Variants in UNC13C observed in about 807,000 individuals in gnomAD.
UNC13C encodes protein unc-13 homolog C.
UNC13C carries 174 observed loss-of-function variants against 245.4 expected under a neutral mutation model. The ratio of observed to expected loss-of-function variants is 0.71; its 90% CI spans 0.63 to 0.80. The LOEUF (loss-of-function observed/expected upper bound fraction) is 0.80. Among genes scored for constraint, UNC13C ranks in the 30% least tolerant of loss-of-function variants. The pLI, the probability that UNC13C is intolerant of heterozygous loss-of-function variation, is 0.00. For missense variants in UNC13C, 2,829 were observed against 2,602.9 expected, an observed-to-expected ratio of 1.09 and a Z score of -1.89; for synonymous variants, 992 against 895.1, an observed-to-expected ratio of 1.11 and a Z score of -1.93.
chr15:54,254,821 C>T (rs8039848), intron 8 of UNC13C, among the ~76,000 whole-genome samples: 40,150 of 152,020 alleles, frequency 0.26, 5,465 homozygotes, highest in African/African-American at 0.29. Context: ...TCAGTGCTGT[C>T]TCACTTTTTA....
chr15:54,005,621 C>T (rs971500053), intron 1 of UNC13C, among the ~76,000 whole-genome samples: 6 of 152,148 alleles, frequency 3.9e-5, no homozygotes, highest in Middle Eastern at 3.4e-3. Context: ...TAATTAAGGA[C>T]TAAATATCAT....
At chr15:54,356,526 T>A (rs1156613145) in intron 17 of UNC13C, among the ~76,000 whole-genome samples, 1 of 152,186 alleles carries the variant, frequency 6.6e-6, no homozygotes, top group African/African-American at 2.4e-5. Context: ...TGCCCATAGA[T>A]ATAGCGTCTG....
chr15:53,849,914 T>TA, the UNC13C span, among the ~76,000 whole-genome samples: 1 of 152,206 alleles, frequency 6.6e-6, no homozygotes, highest in African/African-American at 2.4e-5. Context: ...GCCATGTGTT[T>TA]AAAAAAATTA....
intron 4 of UNC13C, among the ~76,000 whole-genome samples, chr15:54,173,719 A>G (rs866602312): frequency 8.5e-5 from 13 of 152,210 alleles, no homozygotes; most frequent in Middle Eastern, 3.4e-3. Context: ...TCTTGCCTTA[A>G]TGAACTGACT....
the UNC13C span, among the ~76,000 whole-genome samples, chr15:53,890,186 G>C: frequency 1.3e-5 from 2 of 149,400 alleles, no homozygotes; most frequent in East Asian, 4.0e-4. Flanking sequence ...GCGTCACCCA[G>C]GCTTGAGTGC....
chr15:54,205,327 A>C (rs190407296), intron 4 of UNC13C, among the ~76,000 whole-genome samples: 1 of 151,966 alleles, frequency 6.6e-6, no homozygotes, highest in East Asian at 1.9e-4. Flanking sequence ...TTGTCCCCCA[A>C]TGTAAGATTT....
At chr15:53,950,157 C>G in the UNC13C span, among the ~76,000 whole-genome samples, 1 of 152,138 alleles carries the variant, frequency 6.6e-6, no homozygotes, top group Non-Finnish European at 1.5e-5. Flanking sequence ...ACTTCTAAAA[C>G]TTAAAATGCA....
chr15:53,945,106 GT>G, the UNC13C span, among the ~76,000 whole-genome samples: 1 of 151,530 alleles, frequency 6.6e-6, no homozygotes, highest in Non-Finnish European at 1.5e-5. Context: ...TGTTAATGGG[GT>G]TATTATTTTT....
chr15:54,045,117 GT>G, intron 2 of UNC13C, among the ~76,000 whole-genome samples: 1 of 151,900 alleles, frequency 6.6e-6, no homozygotes, highest in East Asian at 1.9e-4. Flanking sequence ...TTTTGCTTGT[GT>G]TTTTGGTATC....
the UNC13C span, among the ~76,000 whole-genome samples, chr15:53,890,798 C>A: frequency 6.6e-6 from 1 of 151,310 alleles, no homozygotes; most frequent in African/African-American, 2.4e-5. Context: ...TATTTTTTGA[C>A]CTTTTAAAAA....
chr15:54,421,366 C>T (rs1321860563), intron 19 of UNC13C, among the ~76,000 whole-genome samples: 1 of 152,002 alleles, frequency 6.6e-6, no homozygotes, highest in Non-Finnish European at 1.5e-5. Flanking sequence ...CATATATTCT[C>T]CCAAAGATAT....
At chr15:53,896,472 TTTC>T in the UNC13C span, among the ~76,000 whole-genome samples, 1 of 152,172 alleles carries the variant, frequency 6.6e-6, no homozygotes, top group Non-Finnish European at 1.5e-5. Flanking sequence ...GAATCAGTAT[TTTC>T]TTCTTAATGT....
Position 54,014,474 on chromosome 15 carries a change from C to G in UNC13C, c.1571C>G (p.Thr524Ser), listed in dbSNP as rs377725533. 60 of 1,613,744 alleles carry G rather than the reference C, an allele frequency of 3.7e-5. No homozygotes were observed. The African/African-American group carries it at 7.3e-4, about 20-fold the overall frequency. The change falls in exon 2 of 33, where the codon ACC becomes AGC. Residue 524 changes from threonine to serine, a missense_variant. Physicochemically the swap from Thr to Ser is moderately conservative, Grantham distance 58. Transcript: ENST00000260323. The part of the protein sequence containing the change: ...LPESDILEKQ[T>S]TTHYADATPL... The stretch of plus-strand genomic sequence containing the variant: ...GAATCAGATATCTTGGAAAAGCAAA[C>G]CACAACCCATTATGCAGATGCAACA...
At chr15:54,139,074 C>T (rs183499723) in intron 2 of UNC13C, among the ~76,000 whole-genome samples, 11 of 146,316 alleles carry the variant, frequency 7.5e-5, no homozygotes, top group East Asian at 2.1e-4. Flanking sequence ...ATTCTTGTGC[C>T]TCAGCCTCCC....
At chr15:54,470,062 A>G (rs2141041049) in intron 19 of UNC13C, among the ~76,000 whole-genome samples, 1 of 151,818 alleles carries the variant, frequency 6.6e-6, no homozygotes, top group Admixed American at 6.6e-5. Flanking sequence ...AATCACATGT[A>G]TTGATTTACA....
chr15:54,301,816 G>C (rs894913136), intron 13 of UNC13C, among the ~76,000 whole-genome samples: 3 of 152,062 alleles, frequency 2.0e-5, no homozygotes, highest in Admixed American at 6.6e-5. Context: ...TAATGGGCTT[G>C]CTGGGTCAAA....
At chr15:53,955,240 A>G in the UNC13C span, among the ~76,000 whole-genome samples, 1 of 150,188 alleles carries the variant, frequency 6.7e-6, no homozygotes, top group Non-Finnish European at 1.5e-5. Flanking sequence ...CTTTTGTACT[A>G]TGATATCAAA....
At chr15:53,854,355 G>A in the UNC13C span, among the ~76,000 whole-genome samples, 6 of 151,962 alleles carry the variant, frequency 3.9e-5, no homozygotes, top group Non-Finnish European at 8.8e-5. Context: ...TCTTAACCTC[G>A]TGATCCACCT....
At chr15:54,522,963 T>C (rs936723984) in intron 24 of UNC13C, among the ~76,000 whole-genome samples, 3 of 152,180 alleles carry the variant, frequency 2.0e-5, no homozygotes, top group Non-Finnish European at 4.4e-5. Context: ...TTCAAGATAA[T>C]TTTGATGTTA....
Sources: gnomAD v4.1 joint callset for allele counts (sites outside exome capture counted in the v4.1 genomes callset) on GRCh38, gnomAD v4.1.1 for gene constraint, MANE v1.5 for transcripts, NCBI Gene and HGNC (gene_info 2026-07-23, HGNC 2026-07-21) for gene names.